The following MYT1 variants were observed in gnomAD, a reference collection of about 807,000 sequenced individuals.
MYT1 encodes the protein myelin transcription factor 1.
A neutral mutation model predicts 123.0 loss-of-function variants in MYT1; 23 were observed. The ratio of observed to expected loss-of-function variants is 0.19; its 90% CI spans 0.13 to 0.26. The LOEUF (loss-of-function observed/expected upper bound fraction) is 0.26. Ranked by LOEUF, MYT1 falls within the 10% of genes least tolerant of loss-of-function variation. The pLI is 1.00. For synonymous variants in MYT1, 518 were observed against 575.3 expected, an observed-to-expected ratio of 0.90 and a Z score of 1.43; for missense variants, 1,125 against 1,472.5, an observed-to-expected ratio of 0.76 and a Z score of 3.86.
chr20:64,177,292 C>T (rs958865875), intron 1 of MYT1, among the ~76,000 whole-genome samples: 9 of 152,108 alleles, frequency 5.9e-5, no homozygotes, highest in Non-Finnish European at 1.2e-4. Context: ...TCTCCCTTCT[C>T]TCATTTTCAC....
At chr20:64,210,292 G>T (rs1050562933) in intron 7 of MYT1, among the ~76,000 whole-genome samples, 3 of 152,240 alleles carry the variant, frequency 2.0e-5, no homozygotes, top group African/African-American at 7.2e-5. Flanking sequence ...GCCCAGCTGG[G>T]CTGTGAGTGT....
chr20:64,205,016 C>G lies in MYT1; in HGVS notation c.87-19C>G. On this transcript the variant is annotated intron_variant, in intron 4 of 22. Transcript: ENST00000328439. ...GAGCCCATCGCCTGATGTGGCCTTG[C>G]CTTTTTATTTCCCCTCAGCTGCCCC... 6.2e-7 allele frequency: 1 copy of G among 1,613,864 alleles called. No individual in the cohort carries two copies. Among genetic ancestry groups the G allele is most frequent in the Non-Finnish European group, 8.5e-7 (1 of 1,179,906 alleles).
intron 16 of MYT1, among the ~76,000 whole-genome samples, chr20:64,224,497 G>A (rs1984109987): frequency 6.6e-6 from 1 of 152,190 alleles, no homozygotes; most frequent in Non-Finnish European, 1.5e-5. Flanking sequence ...GTGTCATGAG[G>A]CCCTTCAGTT....
chr20:64,232,125 C>T lies in MYT1; in HGVS notation c.2676-39C>T, dbSNP rs752439138. The T allele has an allele frequency of 1.0e-5, 16 of 1,600,158 alleles. No homozygotes were observed. Among genetic ancestry groups the T allele is most frequent in the Non-Finnish European group, 1.1e-5 (13 of 1,170,376 alleles). On this transcript the variant is annotated intron_variant, in intron 18 of 22. Coordinates refer to ENST00000328439, the MANE Select transcript of MYT1 (RefSeq NM_004535.3). The surrounding 1 kb of genome is among the most constrained non-coding windows in gnomAD (Gnocchi z 6.9). Reference sequence around the variant, plus strand: ...GAGTCTCCAGGCTTCTCCTCCCAACCCTTCGCCCCTGTACTCACCCCGGCC... The same window carrying T: ...GAGTCTCCAGGCTTCTCCTCCCAACTCTTCGCCCCTGTACTCACCCCGGCC...
chr20:64,164,961 C>G (rs1982039345), intron 1 of MYT1, among the ~76,000 whole-genome samples: 1 of 152,100 alleles, frequency 6.6e-6, no homozygotes, highest in South Asian at 2.1e-4. Context: ...TCTCCTGTCT[C>G]TCTGTTGTTC....
chr20:64,186,261 G>A lies in MYT1; in HGVS notation c.-98-3802G>A, dbSNP rs1337710467. On this transcript the variant is annotated intron_variant, in intron 1 of 22. Transcript: ENST00000328439. This position sits in a 1 kb window ranked among gnomAD's most constrained non-coding sequence, Gnocchi z 4.3. ...CAAAGATGCCGGGTCCCTAGAGAGG[G>A]GTCCCAGCCAGCGCCGCCCTCTGGG... Among the ~76,000 whole-genome samples the A allele has an allele frequency of 6.6e-6, 1 of 152,160 alleles. No individual in the cohort carries two copies. Among genetic ancestry groups the A allele is most frequent in the Non-Finnish European group, 1.5e-5 (1 of 68,026 alleles).
chr20:64,211,367 C>G, intron 8 of MYT1, 27 bp downstream of exon 8: 1 of 1,592,708 alleles, frequency 6.3e-7, no homozygotes, highest in Non-Finnish European at 8.6e-7. Context: ...AGCGTTAGCC[C>G]TAACTGTGAA....
At chr20:64,225,638 C>T (rs1011961276) in intron 16 of MYT1, among the ~76,000 whole-genome samples, 6 of 152,128 alleles carry the variant, frequency 3.9e-5, no homozygotes, top group Admixed American at 2.6e-4. Flanking sequence ...CCCTCAGACA[C>T]GGTGTTCCCT....
At chr20:64,180,989 G>T (rs1224396444) in intron 1 of MYT1, among the ~76,000 whole-genome samples, 1 of 152,150 alleles carries the variant, frequency 6.6e-6, no homozygotes, top group African/African-American at 2.4e-5. Context: ...TCAGTGTTTT[G>T]CCTGGGCATA....
At chr20:64,236,972 G>A (rs544576333) in intron 20 of MYT1, among the ~76,000 whole-genome samples, 64 of 152,254 alleles carry the variant, frequency 4.2e-4, no homozygotes, top group Non-Finnish European at 8.5e-4. Flanking sequence ...CCTTAGGTGA[G>A]GAAATTCAGC....
Position 64,202,926 on chromosome 20 carries a change from C to T in MYT1, c.87-2109C>T, listed in dbSNP as rs535969482. Among the ~76,000 whole-genome samples, 51 of 152,360 alleles carry T rather than the reference C, an allele frequency of 3.3e-4. No homozygotes were observed. Among genetic ancestry groups the T allele is most frequent in the Admixed American group, 2.4e-3 (37 of 15,302 alleles). ...TCTTCCTCTCCCTACAACTCTGGCC[C>T]TGAGCACCCAGAGGACATCAGGAAA... is the stretch of plus-strand genomic sequence containing the variant. On this transcript the variant is annotated intron_variant, in intron 4 of 22. Transcript: ENST00000328439. The surrounding 1 kb of genome is among the most constrained non-coding windows in gnomAD (Gnocchi z 5.0).
At chr20:64,183,413 T>C (rs1982707061) in intron 1 of MYT1, among the ~76,000 whole-genome samples, 1 of 152,234 alleles carries the variant, frequency 6.6e-6, no homozygotes, top group Non-Finnish European at 1.5e-5. Context: ...TCCTGAGTCA[T>C]GTAACTCTAT....
chr20:64,212,193 G>GGCTCCACAGGCGGTAGGGCA lies in MYT1; in HGVS notation c.1517+55_1517+56insGCTCCACAGGCGGTAGGGCA, dbSNP rs1428974144. On this transcript the variant is annotated intron_variant, in intron 9 of 22. Coordinates refer to ENST00000328439, the MANE Select transcript of MYT1 (RefSeq NM_004535.3). The surrounding 1 kb of genome is among the most constrained non-coding windows in gnomAD (Gnocchi z 6.8). Reference sequence around the variant, plus strand: ...GGCCAGGGTGGGGGCCGTGGTGGGGGCCAGGGTGGGGGCCGTGGTGGGGGC... The same window carrying GGCTCCACAGGCGGTAGGGCA: ...GGCCAGGGTGGGGGCCGTGGTGGGGGGCTCCACAGGCGGTAGGGCACCAGGGTGGGGGCCGTGGTGGGGGC... 1 of 329,274 alleles carries GGCTCCACAGGCGGTAGGGCA rather than the reference G, an allele frequency of 3.0e-6. No homozygotes were observed. The highest frequency in any genetic ancestry group is 5.5e-6 in the Non-Finnish European group (1 of 182,684). 20.4% of individuals were successfully genotyped at this position (329,274 alleles called of 1,614,324 possible).
At position 64,208,099 on chromosome 20, in the gene MYT1, AGAG is replaced by A. The variant is rs147483668; in HGVS notation, c.917_919del (p.Glu306del). The A allele has an allele frequency of 2.1e-3, 3,444 of 1,604,406 alleles. 17 individuals carry two copies. In the Middle Eastern group the frequency reaches 0.025, roughly 12 times the overall value. Reference sequence around the variant, plus strand: ...AAGAGGAGGAGGAAGAGGAAGAGGAAGAGGAGGAGGAGGAGGCAGCTCCTGATG... The same window carrying A: ...AAGAGGAGGAGGAAGAGGAAGAGGAAGAGGAGGAGGAGGCAGCTCCTGATG... On this transcript the variant is annotated inframe_deletion, in exon 7 of 23. Coordinates refer to ENST00000328439, the MANE Select transcript of MYT1 (RefSeq NM_004535.3). This position sits in a 1 kb window ranked among gnomAD's most constrained non-coding sequence, Gnocchi z 5.4.
At chr20:64,170,884 T>TAGAGAGAGAGAGAGAGAGAGAG in intron 1 of MYT1, among the ~76,000 whole-genome samples, 1 of 20,010 alleles carries the variant, frequency 5.0e-5, no homozygotes, top group East Asian at 2.5e-3. Context: ...TATATATATA[T>TAGAGAGAGAGAGAGAGAGAGAG]AGAGAGAGAG....
rs1477596796 is a variant in MYT1, at chr20:64,208,729, A to T, written c.1291+242A>T. Among the ~76,000 whole-genome samples the T allele has an allele frequency of 6.6e-6, 1 of 152,212 alleles. No individual in the cohort carries two copies. The highest frequency in any genetic ancestry group is 1.5e-5 in the Non-Finnish European group (1 of 68,028). ...GACGTGTGAGAAAGAACCAGGTGGG[A>T]GAGAGGAGGTGGGAGGGACAGTGAC... On this transcript the variant is annotated intron_variant, in intron 7 of 22. Coordinates refer to ENST00000328439, the MANE Select transcript of MYT1 (RefSeq NM_004535.3). This position sits in a 1 kb window ranked among gnomAD's most constrained non-coding sequence, Gnocchi z 5.4.
Position 64,207,644 on chromosome 20 carries a change from A to T in MYT1, c.448A>T (p.Thr150Ser). Residue 150 changes from threonine (T) to serine (S), a missense_variant, in exon 7 of 23, where the codon ACT (threonine) becomes TCT (serine). Coordinates refer to ENST00000328439, the MANE Select transcript of MYT1 (RefSeq NM_004535.3). ...HFGSNPIGSA[T>S]ASSKGSYSSY... ...TGGATCCAACCCCATCGGCAGCGCCACTGCCTCCTCCAAGGGCAGCTACAG... is the reference window on the plus strand; with the variant it reads ...TGGATCCAACCCCATCGGCAGCGCCTCTGCCTCCTCCAAGGGCAGCTACAG... 6.2e-7 allele frequency: 1 copy of T among 1,613,864 alleles called. No individual in the cohort carries two copies.
At position 64,207,805 on chromosome 20, in the gene MYT1, G is replaced by C; in HGVS notation, c.609G>C (p.Glu203Asp). 1 of 1,613,906 alleles carries C rather than the reference G, an allele frequency of 6.2e-7. No individual in the cohort carries two copies. Among genetic ancestry groups the C allele is most frequent in the South Asian group, 1.1e-5 (1 of 91,070 alleles). ...TGCACCTGCTTCAGGAGGCTGCAGA[G>C]GGAGCTGCCAGCGAGGAGGGTGAAA... is the stretch of plus-strand genomic sequence containing the variant. Reference protein sequence around the residue: ...GIVHLLQEAAEGAASEEGEKG... With the variant: ...GIVHLLQEAADGAASEEGEKG... The change falls in exon 7 of 23, where the codon GAG becomes GAC. Residue 203 changes from glutamate (E) to aspartate (D), a missense_variant. By Grantham distance (45) the Glu-to-Asp change is conservative (BLOSUM62 2). This residue lies in a region of MYT1 where 406 missense variants were observed against 432.2 expected (regional missense o/e 0.94). Transcript: ENST00000328439.
chr20:64,240,046 C>G, intron 22 of MYT1, 143 bp downstream of exon 22: 1 of 1,302,062 alleles, frequency 7.7e-7, no homozygotes, highest in Non-Finnish European at 1.1e-6. Flanking sequence ...CTCTCCACCC[C>G]GAATGGCCCG....
Sources: gnomAD v4.1 joint callset for allele counts (sites outside exome capture counted in the v4.1 genomes callset) on GRCh38, gnomAD v4.1.1 for gene constraint, gnomAD v4.1.1 regional missense constraint, Gnocchi (gnomAD v3.1) non-coding constraint, MANE v1.5 for transcripts, NCBI Gene and HGNC (gene_info 2026-07-23, HGNC 2026-07-21) for gene names.